TMOD1: variants seen among roughly 807,000 people sequenced by gnomAD.
TMOD1 encodes tropomodulin 1.
In TMOD1, 17 loss-of-function variants were observed where a neutral mutation model predicts 40.6. The observed-to-expected ratio is 0.42, with a 90% confidence interval of 0.29 to 0.63. TMOD1 has a LOEUF of 0.63. Ranked by LOEUF, TMOD1 falls within the 20% of genes least tolerant of loss-of-function variation. TMOD1 has a pLI of 0.22. For synonymous variants in TMOD1, 181 were observed against 175.0 expected (o/e 1.03, Z -0.27); for missense variants, 391 against 447.6 (o/e 0.87, Z 1.14).
chr9:97,528,857 A>G (rs1212594002), intron 2 of TMOD1, among the ~76,000 whole-genome samples: 2 of 152,222 alleles, frequency 1.3e-5, no homozygotes, highest in African/African-American at 4.8e-5. Flanking sequence ...TATAGTCCAT[A>G]TTCCTCCTGT....
chr9:97,515,731 CAG>C (rs1829794813), intron 1 of TMOD1, among the ~76,000 whole-genome samples: 1 of 152,102 alleles, frequency 6.6e-6, no homozygotes, highest in Non-Finnish European at 1.5e-5. Flanking sequence ...CTATTTTACA[CAG>C]GGGATCCTTA....
intron 2 of TMOD1, among the ~76,000 whole-genome samples, chr9:97,545,235 T>C (rs549703833): frequency 3.3e-5 from 5 of 152,338 alleles, no homozygotes; most frequent in Middle Eastern, 6.8e-3. Context: ...CTGAAATTCC[T>C]TGGGCAAATC....
rs542795079 is a variant in TMOD1 at position 97,526,343 on chromosome 9, GT to G, written c.120+2036del. 6.6e-3 allele frequency among the ~76,000 whole-genome samples: 998 copies of G among 152,324 alleles called. 11 individuals carry two copies. Among genetic ancestry groups the G allele is most frequent in the African/African-American group, 0.023 (941 of 41,556 alleles). On this transcript the variant is annotated intron_variant, in intron 2 of 9. Coordinates refer to ENST00000259365, the MANE Select transcript of TMOD1 (RefSeq NM_003275.4). ...GCAGTCAGGGTACACAGTGTCAAGA[GT>G]CAAAAGTCTCTTTGGTTGTGTATGT... is the stretch of plus-strand genomic sequence containing the variant.
At chr9:97,544,165 C>T (rs1030839865) in intron 2 of TMOD1, among the ~76,000 whole-genome samples, 1 of 152,164 alleles carries the variant, frequency 6.6e-6, no homozygotes, top group East Asian at 1.9e-4. Context: ...GGATCACACC[C>T]CGGTCTCCTG....
At chr9:97,586,261 G>T (rs1825867973) in intron 8 of TMOD1, among the ~76,000 whole-genome samples, 1 of 152,242 alleles carries the variant, frequency 6.6e-6, no homozygotes, top group Non-Finnish European at 1.5e-5. Context: ...GGAAAACCCT[G>T]CTGTGTGACG....
rs1830775131 is a variant in TMOD1, at chr9:97,568,906, A to G, written c.739A>G (p.Met247Val). 1 of 1,614,096 alleles carries G rather than the reference A, an allele frequency of 6.2e-7. No homozygotes were observed. Among genetic ancestry groups the G allele is most frequent in the Non-Finnish European group, 8.5e-7 (1 of 1,179,984 alleles). ...CTTGTGCTTCAAGGCCCTTGCTGAG[A>G]TGCTCAAGGAGAACAAGGTGTTGAA... ...NDPVAYALAE[M>V]LKENKVLKTL... is the part of the protein sequence containing the mutation. Residue 247 changes from methionine to valine, a missense_variant, in exon 8 of 10, where the codon ATG becomes GTG. Coordinates refer to ENST00000259365, the MANE Select transcript of TMOD1 (RefSeq NM_003275.4).
Position 97,570,790 on chromosome 9 carries a change from G to A in TMOD1, c.870+1753G>A, listed in dbSNP as rs138729244. On this transcript the variant is annotated intron_variant, in intron 8 of 9. Transcript: ENST00000259365. ...TGCATATTGTTCACAGCACAATGAG[G>A]TAGCAGAGAGCAAAATTCAACCCAG... Among the ~76,000 whole-genome samples the A allele has an allele frequency of 8.9e-4, 135 of 152,290 alleles. 4 individuals carry two copies. In the East Asian group the frequency reaches 0.019, roughly 22 times the overall value.
intron 2 of TMOD1, among the ~76,000 whole-genome samples, chr9:97,545,158 G>T (rs575688646): frequency 1.3e-5 from 2 of 152,304 alleles, no homozygotes; most frequent in South Asian, 4.1e-4. Context: ...AGCACACAAC[G>T]ATTAGAAATG....
chr9:97,568,621 A>G (rs1427934055), intron 7 of TMOD1, among the ~76,000 whole-genome samples: 2 of 152,230 alleles, frequency 1.3e-5, no homozygotes, highest in Non-Finnish European at 2.9e-5. Flanking sequence ...AGCCCCACTG[A>G]AGAGGAGCAG....
intron 2 of TMOD1, among the ~76,000 whole-genome samples, chr9:97,526,945 C>A (rs1239504492): frequency 6.6e-6 from 1 of 152,108 alleles, no homozygotes; most frequent in Non-Finnish European, 1.5e-5. Flanking sequence ...GGTCCCAGGC[C>A]CCATAGAATT....
rs1053799040 is a variant in TMOD1, at chr9:97,557,969, C to G, written c.397+4569C>G. Among the ~76,000 whole-genome samples the G allele has an allele frequency of 6.6e-6, 1 of 152,108 alleles. No individual in the cohort carries two copies. Among genetic ancestry groups the G allele is most frequent in the African/African-American group, 2.4e-5 (1 of 41,428 alleles). The stretch of plus-strand genomic sequence containing the variant: ...GCAATGTTGATGTGCCGTTTTCTCC[C>G]GTCACTCACTTCTGTTGACGTGGAG... On this transcript the variant is annotated intron_variant, in intron 4 of 9. Transcript: ENST00000259365. The surrounding 1 kb of genome is among the most constrained non-coding windows in gnomAD (Gnocchi z 4.4).
In TMOD1 at chr9:97,600,717, T is replaced by C. The variant is rs1826238609; in HGVS notation, c.*1019T>C. 2 of 1,005,450 alleles carry C rather than the reference T, an allele frequency of 2.0e-6. No individual in the cohort carries two copies. The highest frequency in any genetic ancestry group is 1.2e-6 in the Non-Finnish European group (1 of 842,070). The allele number at this position is 1,005,450 out of a possible 1,614,324, so 62.3% of individuals were successfully genotyped here. On this transcript the variant is annotated 3_prime_UTR_variant, in exon 10 of 10. Transcript: ENST00000259365. ...GCCTCCGCAGGATGCCGGACAATGG[T>C]GAAGAAACTCCAGATATCAAGGAAT...
Position 97,589,015 on chromosome 9 carries a change from GCT to G in TMOD1, c.871-2275_871-2274del. Among the ~76,000 whole-genome samples, 2 of 150,946 alleles carry G rather than the reference GCT, an allele frequency of 1.3e-5. 1 individual carries two copies. Among genetic ancestry groups the G allele is most frequent in the Middle Eastern group, 6.8e-3 (2 of 294 alleles). ...GCCTGTAATCCCAGCTACTCAGGAG[GCT>G]GAGGCAGGAGAATTGCTTGAACCCA... is the stretch of plus-strand genomic sequence containing the variant. On this transcript the variant is annotated intron_variant, in intron 8 of 9. Coordinates refer to ENST00000259365, the MANE Select transcript of TMOD1 (RefSeq NM_003275.4).
At chr9:97,516,064 A>T (rs1829801099) in intron 1 of TMOD1, 1 of 151,816 alleles carries the variant, frequency 6.6e-6, no homozygotes, top group African/African-American at 2.4e-5. Context: ...CTCCTTCCAC[A>T]CCTTACCCTA....
intron 3 of TMOD1, among the ~76,000 whole-genome samples, chr9:97,547,337 A>G (rs1244856358): frequency 6.6e-6 from 1 of 151,950 alleles, no homozygotes; most frequent in Non-Finnish European, 1.5e-5. Flanking sequence ...GCCCAGCTCC[A>G]TGCTGTCTTC....
chr9:97,593,515 A>G (rs1826041186), intron 9 of TMOD1, among the ~76,000 whole-genome samples: 1 of 152,132 alleles, frequency 6.6e-6, no homozygotes, highest in Non-Finnish European at 1.5e-5. Flanking sequence ...AGTGACAGCA[A>G]GCATTTTCTG....
At chr9:97,547,087 C>T (rs1830374504) in intron 3 of TMOD1, among the ~76,000 whole-genome samples, 1 of 152,200 alleles carries the variant, frequency 6.6e-6, no homozygotes, top group Non-Finnish European at 1.5e-5. Flanking sequence ...GCTTCCCTTC[C>T]TTCGTCTGTC....
chr9:97,576,735 G>A (rs972259818), intron 8 of TMOD1, among the ~76,000 whole-genome samples: 1 of 151,636 alleles, frequency 6.6e-6, no homozygotes, highest in Admixed American at 6.6e-5. Context: ...CCAGGTTCAC[G>A]CCATTCTCCT....
At chr9:97,568,404 C>T (rs1021678311) in intron 7 of TMOD1, among the ~76,000 whole-genome samples, 19 of 152,252 alleles carry the variant, frequency 1.2e-4, no homozygotes, top group Admixed American at 8.5e-4. Context: ...AAGTATGGCT[C>T]CATTCTATGA....
Sources: gnomAD v4.1 joint callset for allele counts (sites outside exome capture counted in the v4.1 genomes callset) on GRCh38, gnomAD v4.1.1 for gene constraint, Gnocchi (gnomAD v3.1) non-coding constraint, MANE v1.5 for transcripts, NCBI Gene and HGNC (gene_info 2026-07-23, HGNC 2026-07-21) for gene names.